Variants in STARD8 observed in about 807,000 individuals in gnomAD.
The protein encoded by STARD8 is stAR-related lipid transfer protein 8.
STARD8 carries 25 observed loss-of-function variants against 69.4 expected under a neutral mutation model. The ratio of observed to expected loss-of-function variants is 0.36; its 90% CI spans 0.26 to 0.50. The LOEUF is 0.50. STARD8 is among the 20% of genes least tolerant of loss of function. The probability of loss-of-function intolerance (pLI) is 0.96; values close to 1 mark genes in which losing one functional copy is unlikely to be tolerated. For synonymous variants in STARD8, 389 were observed against 374.6 expected, an observed-to-expected ratio of 1.04 and a Z score of -0.45; for missense variants, 921 against 932.5, an observed-to-expected ratio of 0.99 and a Z score of 0.16.
chrX:68,722,006 C>T (rs377470829), intron 10 of STARD8, 41 bp from the exon 11 acceptor site: 62 of 1,115,076 alleles, frequency 5.6e-5, no homozygotes, highest in Non-Finnish European at 2.4e-6. Flanking sequence ...GTCTTGTGCT[C>T]TTGTGCCATC....
In STARD8 at chrX:68,724,389, C is replaced by T. The variant is rs767914896; in HGVS notation, c.3279C>T (p.Thr1093=). The T allele has an allele frequency of 2.3e-5, 28 of 1,204,074 alleles. No individual in the cohort carries two copies. The Middle Eastern group carries it at 1.1e-3, about 49-fold the overall frequency. Residue 1093 remains threonine (T), a synonymous_variant, in exon 15 of 15, where the codon ACC becomes ACT. Coordinates refer to ENST00000374599, the MANE Select transcript of STARD8 (RefSeq NM_001142503.3). ...EVAKIRDSFP[T]LQAAGPETKL ...CAAAGATCCGGGACTCCTTCCCCACCCTGCAGGCAGCGGGCCCTGAGACAA... is the reference window on the plus strand; with the variant it reads ...CAAAGATCCGGGACTCCTTCCCCACTCTGCAGGCAGCGGGCCCTGAGACAA...
At chrX:68,680,077 G>A (rs1008151938) in intron 2 of STARD8, among the ~76,000 whole-genome samples, 11 of 111,957 alleles carry the variant, frequency 9.8e-5, no homozygotes, top group Non-Finnish European at 1.3e-4. Flanking sequence ...GGGTTACCTG[G>A]GGACACCGCC....
At chrX:68,684,452 G>A (rs1235171134) in intron 2 of STARD8, among the ~76,000 whole-genome samples, 1 of 112,953 alleles carries the variant, frequency 8.9e-6, no homozygotes, top group Non-Finnish European at 1.9e-5. Flanking sequence ...CTTCTAGGCC[G>A]CTGCCACTGC....
At position 68,723,782 on chromosome X, in the gene STARD8, C is replaced by G; in HGVS notation, c.2956C>G (p.Leu986Val). 1 of 1,180,686 alleles carries G rather than the reference C, an allele frequency of 8.5e-7. No individual in the cohort carries two copies. The highest frequency in any genetic ancestry group is 1.1e-6 in the Non-Finnish European group (1 of 879,880). ...VLEALMPGVE[L>V]YHYVTDSMAP... ...GGAAGCCCTGATGCCGGGTGTGGAG[C>G]TGTACCACTATGTCACCGACAGCAT... The change falls in exon 13 of 15, where the codon CTG (leucine) becomes GTG (valine). Residue 986 changes from leucine to valine, a missense_variant. Transcript: ENST00000374599.
chrX:68,694,759 G>C (rs959394937), intron 2 of STARD8, among the ~76,000 whole-genome samples: 9 of 111,648 alleles, frequency 8.1e-5, no homozygotes, highest in African/African-American at 2.9e-4. Flanking sequence ...GGTGGCAGCA[G>C]CTATGCACAC....
At chrX:68,653,419 ACACACAC>A (rs1467196058) in intron 1 of STARD8, among the ~76,000 whole-genome samples, 1 of 29,211 alleles carries the variant, frequency 3.4e-5, no homozygotes, top group South Asian at 2.1e-3. Flanking sequence ...ACACCACACC[ACACACAC>A]CACACACCAC....
At chrX:68,656,229 T>C (rs886874319) in intron 1 of STARD8, 7 of 112,202 alleles carry the variant, frequency 6.2e-5, no homozygotes, top group Non-Finnish European at 1.3e-4. Flanking sequence ...AAAGAAGACA[T>C]TTATGCCGCC....
intron 2 of STARD8, among the ~76,000 whole-genome samples, chrX:68,697,307 G>A (rs914488550): frequency 8.9e-6 from 1 of 111,969 alleles, no homozygotes; most frequent in African/African-American, 3.3e-5. Flanking sequence ...TGAGGGGAAG[G>A]TGACGGACAG....
chrX:68,713,278 C>T (rs1345487922), intron 3 of STARD8, among the ~76,000 whole-genome samples: 1 of 112,726 alleles, frequency 8.9e-6, no homozygotes, highest in Non-Finnish European at 1.9e-5. Flanking sequence ...CATGTAGGTA[C>T]ACACGGTGTG....
intron 2 of STARD8, among the ~76,000 whole-genome samples, chrX:68,712,026 T>A (rs769382845): frequency 8.0e-5 from 9 of 112,730 alleles, no homozygotes; most frequent in Non-Finnish European, 1.5e-4. Context: ...CTACCCTGAC[T>A]AGGAGCGCCT....
intron 1 of STARD8, among the ~76,000 whole-genome samples, chrX:68,664,472 T>C (rs1449321242): frequency 8.9e-6 from 1 of 112,028 alleles, no homozygotes; most frequent in African/African-American, 3.3e-5. Context: ...AAAGTCCAAA[T>C]CCTTACCCTG....
intron 2 of STARD8, among the ~76,000 whole-genome samples, chrX:68,712,630 AG>A (rs1357104292): frequency 2.7e-5 from 3 of 111,156 alleles, no homozygotes; most frequent in African/African-American, 9.9e-5. Flanking sequence ...GTTCCTGGGC[AG>A]GGGGTGGGAG....
intron 1 of STARD8, among the ~76,000 whole-genome samples, chrX:68,664,506 C>T (rs1181130152): frequency 1.8e-5 from 2 of 111,804 alleles, no homozygotes; most frequent in Non-Finnish European, 3.8e-5. Context: ...ATAATTTGGC[C>T]TTCGTTTCTC....
At position 68,672,722 on chromosome X, in the gene STARD8, C is replaced by CA. The variant is rs1337559459; in HGVS notation, c.79+7190_79+7191insA. Among the ~76,000 whole-genome samples the CA allele has an allele frequency of 1.2e-4, 13 of 110,404 alleles. No individual in the cohort carries two copies. The South Asian group carries it at 2.3e-3, about 20-fold the overall frequency. ...ATTCCATTCAAACAGCGCCCCACCC[C>CA]CCATGGCAGGGCAGCCAAGGGGCAG... On this transcript the variant is annotated intron_variant, in intron 2 of 14. Transcript: ENST00000374599.
chrX:68,647,971 G>T, intron 1 of STARD8, 44 bp downstream of exon 1: 2 of 1,174,079 alleles, frequency 1.7e-6, no homozygotes, highest in Non-Finnish European at 1.1e-6. Context: ...GCTCAGGGGG[G>T]AAGGAGGCAG....
Position 68,697,870 on chromosome X carries a change from G to A in STARD8, c.80-15044G>A, listed in dbSNP as rs753150042. ...GTCAGAGAGGGAGAGAAAGACCCCA[G>A]GAATGTTCTCCCTGACTGCAGGCTC... On this transcript the variant is annotated intron_variant, in intron 2 of 14. Coordinates refer to ENST00000374599, the MANE Select transcript of STARD8 (RefSeq NM_001142503.3). Among the ~76,000 whole-genome samples the A allele has an allele frequency of 1.2e-4, 14 of 112,290 alleles. No individual in the cohort carries two copies. In the East Asian group the frequency reaches 4.0e-3, roughly 32 times the overall value.
intron 2 of STARD8, among the ~76,000 whole-genome samples, chrX:68,677,223 T>C (rs1482997701): frequency 9.0e-6 from 1 of 111,698 alleles, no homozygotes; most frequent in East Asian, 2.8e-4. Flanking sequence ...CTCAGCTCTC[T>C]GCTTGTTGGT....
At position 68,688,116 on chromosome X, in the gene STARD8, G is replaced by A. The variant is rs769858418; in HGVS notation, c.79+22584G>A. On this transcript the variant is annotated intron_variant, in intron 2 of 14. Transcript: ENST00000374599. ...GAACTCCTGCTTAGTAAGTGTGTAT[G>A]TATGGAGGGGAAAGGGGGGAGCTGT... Among the ~76,000 whole-genome samples the A allele has an allele frequency of 8.0e-5, 9 of 112,650 alleles. No individual in the cohort carries two copies. The South Asian group carries it at 1.5e-3, about 18-fold the overall frequency.
At chrX:68,656,134 A>G (rs1200100426) in intron 1 of STARD8, 1 of 112,267 alleles carries the variant, frequency 8.9e-6, no homozygotes, top group African/African-American at 3.2e-5. Flanking sequence ...AGACCAAAAC[A>G]TCTACATGGA....
Sources: allele counts gnomAD v4.1 joint callset (sites outside exome capture counted in the v4.1 genomes callset), GRCh38; gene constraint gnomAD v4.1.1; transcripts MANE v1.5; gene names NCBI Gene and HGNC (gene_info 2026-07-23, HGNC 2026-07-21).